MTCL1: variants seen among roughly 807,000 people sequenced by gnomAD.
The protein encoded by MTCL1 is microtubule cross-linking factor 1.
Under a neutral mutation model 141.4 loss-of-function variants are expected in MTCL1, and 79 were observed. The ratio of observed to expected loss-of-function variants is 0.56; its 90% confidence interval spans 0.47 to 0.67. MTCL1 has a LOEUF of 0.67. Among genes scored for constraint, MTCL1 ranks in the 30% least tolerant of loss-of-function variants. The pLI is 0.00. For synonymous variants in MTCL1, 914 were observed against 875.8 expected, an observed-to-expected ratio of 1.04 and a Z score of -0.77; for missense variants, 2,177 against 2,113.9, an observed-to-expected ratio of 1.03 and a Z score of -0.59.
intron 1 of MTCL1, among the ~76,000 whole-genome samples, chr18:8,709,517 T>C (rs2096075460): frequency 6.6e-6 from 1 of 152,176 alleles, no homozygotes; most frequent in East Asian, 1.9e-4. Context: ...AGAGGGTAGA[T>C]AAAAGTACGT....
chr18:8,829,790 C>T lies in MTCL1; in HGVS notation c.*18+826C>T, dbSNP rs549718468. 29 of 985,136 alleles carry T rather than the reference C, an allele frequency of 2.9e-5. No individual in the cohort carries two copies. In the East Asian group the frequency reaches 3.2e-3, roughly 108 times the overall value. The allele number at this position is 985,136 out of a possible 1,614,324, so 61.0% of individuals were successfully genotyped here. A position where few individuals can be genotyped will look rare whatever the true frequency, so the allele number is the denominator to read the frequency against. ...AGGGGCAGCATCCCAGGACACCATG[C>T]CATGCAGCGACCACAGTGGCTTCTC... On this transcript the variant is annotated intron_variant, in intron 16 of 16. Coordinates refer to ENST00000359865, the Ensembl canonical transcript of MTCL1.
Position 8,727,023 on chromosome 18 carries a change from G to A in MTCL1, c.357+6527G>A, listed in dbSNP as rs557719787. Among the ~76,000 whole-genome samples, 6 of 152,174 alleles carry A rather than the reference G, an allele frequency of 3.9e-5. No homozygotes were observed. In the South Asian group the frequency reaches 1.2e-3, roughly 32 times the overall value. On this transcript the variant is annotated intron_variant, in intron 4 of 16. Transcript: ENST00000359865. ...TGTGTCTATGTTTACCCATTGTTTA[G>A]CTCTCAATTGTAAGTGAGAACATGC... is the stretch of plus-strand genomic sequence containing the variant.
chr18:8,825,647 C>T (rs1484220884), exon 15 of MTCL1: 2 of 1,613,900 alleles, frequency 1.2e-6, no homozygotes. Context: ...AGGTGCAGGC[C>T]AAGTTTGAAC....
exon 15 of MTCL1, chr18:8,824,868 C>G: frequency 6.2e-7 from 1 of 1,614,082 alleles, no homozygotes; most frequent in Non-Finnish European, 8.5e-7. Flanking sequence ...GGACTACACA[C>G]CCAACAGGGG....
At chr18:8,771,559 A>G (rs1248585467) in intron 4 of MTCL1, among the ~76,000 whole-genome samples, 5 of 152,132 alleles carry the variant, frequency 3.3e-5, no homozygotes, top group Admixed American at 6.5e-5. Context: ...AAAAATTTAG[A>G]CTTTCAAAGT....
At chr18:8,725,790 C>CTTTTTTTTTTTTTTTTTTTTCT (rs796484848) in intron 4 of MTCL1, among the ~76,000 whole-genome samples, 1 of 61,070 alleles carries the variant, frequency 1.6e-5, no homozygotes, top group Non-Finnish European at 2.8e-5. Context: ...TTTTTTTTTT[C>CTTTTTTTTTTTTTTTTTTTTCT]TTTTTTTTTT....
At chr18:8,827,633 G>A (rs550704569) in intron 15 of MTCL1, among the ~76,000 whole-genome samples, 2 of 152,222 alleles carry the variant, frequency 1.3e-5, no homozygotes, top group South Asian at 2.1e-4. Context: ...GCCGTGGAAC[G>A]GTCTGTTTAT....
intron 2 of MTCL1, 42 bp from the exon 2 acceptor site, chr18:8,718,382 G>A (rs749092619): frequency 6.3e-7 from 1 of 1,577,870 alleles, no homozygotes; most frequent in Non-Finnish European, 8.7e-7. Flanking sequence ...ATCCTTTTTT[G>A]ATGTACTTGG....
At chr18:8,760,695 CGT>C (rs950329252) in intron 4 of MTCL1, among the ~76,000 whole-genome samples, 7 of 151,766 alleles carry the variant, frequency 4.6e-5, no homozygotes, top group Admixed American at 6.6e-5. Flanking sequence ...CGTAAGAAAC[CGT>C]GTGTGTGTGT....
chr18:8,829,252 G>T lies in MTCL1; in HGVS notation c.*18+288G>T, dbSNP rs573572221. 4 of 985,466 alleles carry T rather than the reference G, an allele frequency of 4.1e-6. No homozygotes were observed. In the South Asian group the frequency reaches 1.9e-4, roughly 46 times the overall value. 61.0% of individuals were successfully genotyped at this position (985,466 alleles called of 1,614,324 possible). ...CATTTGCAGCCAATATGCTTTCAGA[G>T]AATTGAGTAGATACTGGCCAGGAGG... On this transcript the variant is annotated intron_variant, in intron 16 of 16. Coordinates refer to ENST00000359865, the Ensembl canonical transcript of MTCL1.
At chr18:8,708,489 G>A (rs149235356) in intron 1 of MTCL1, among the ~76,000 whole-genome samples, 52 of 152,240 alleles carry the variant, frequency 3.4e-4, no homozygotes, top group African/African-American at 1.1e-3. Context: ...TTTCACAGAC[G>A]GAGATGCTGA....
intron 4 of MTCL1, among the ~76,000 whole-genome samples, chr18:8,731,371 C>G (rs990812817): frequency 6.6e-6 from 1 of 151,956 alleles, no homozygotes; most frequent in African/African-American, 2.4e-5. Flanking sequence ...GTCAGGAGTT[C>G]AAGACCAGCC....
At chr18:8,809,636 G>C in intron 11 of MTCL1, 2 of 1,523,704 alleles carry the variant, frequency 1.3e-6, no homozygotes, top group Non-Finnish European at 1.8e-6. Context: ...AAAAAACGGA[G>C]CAAGTAGAGA....
Position 8,769,673 on chromosome 18 carries a change from T to C in MTCL1, c.358-8160T>C, listed in dbSNP as rs111308254. ...CCCAGGTGGCCTGGTGACCCTGACC[T>C]TCCACTTGCTGGCCAGGCTGTTGCC... is the stretch of plus-strand genomic sequence containing the variant. On this transcript the variant is annotated intron_variant, in intron 4 of 16. Transcript: ENST00000359865. 2.6e-3 allele frequency among the ~76,000 whole-genome samples: 390 copies of C among 152,294 alleles called. 3 individuals carry two copies. The highest frequency in any genetic ancestry group is 9.0e-3 in the African/African-American group (375 of 41,560).
chr18:8,786,182 C>T (rs1240460722), intron 7 of MTCL1, 91 bp downstream of exon 6: 1 of 1,372,536 alleles, frequency 7.3e-7, no homozygotes. Flanking sequence ...CGGACGAGGC[C>T]CTGAGGGAAC....
At chr18:8,819,905 C>A (rs1284474052) in intron 13 of MTCL1, among the ~76,000 whole-genome samples, 1 of 152,106 alleles carries the variant, frequency 6.6e-6, no homozygotes, top group African/African-American at 2.4e-5. Flanking sequence ...GCTACCACAC[C>A]CAGCCTCAAC....
chr18:8,739,452 A>G (rs577743878), intron 4 of MTCL1, among the ~76,000 whole-genome samples: 2 of 152,166 alleles, frequency 1.3e-5, no homozygotes, highest in Non-Finnish European at 2.9e-5. Context: ...GTTCCTGTGC[A>G]TATCTGCAGT....
chr18:8,785,020 T>G (rs7242521), intron 6 of MTCL1, among the ~76,000 whole-genome samples, 177 bp downstream of exon 5: 6,813 of 144,022 alleles, frequency 0.047, 207 homozygotes, highest in African/African-American at 0.098. Context: ...CCGTTTTTTT[T>G]GTTTTTTTTT....
At chr18:8,765,887 G>T (rs1368471433) in intron 4 of MTCL1, among the ~76,000 whole-genome samples, 1 of 152,196 alleles carries the variant, frequency 6.6e-6, no homozygotes, top group Admixed American at 6.5e-5. Context: ...AGAGCTCCCT[G>T]ACTGGGCCTC....
Sources: allele counts gnomAD v4.1 joint callset (sites outside exome capture counted in the v4.1 genomes callset), GRCh38; gene constraint gnomAD v4.1.1; transcripts MANE v1.5; gene names NCBI Gene and HGNC (gene_info 2026-07-23, HGNC 2026-07-21).